The following GPM6A variants were observed in gnomAD, a reference collection of about 807,000 sequenced individuals.
The protein encoded by GPM6A is neuronal membrane glycoprotein M6-a.
In GPM6A, 7 loss-of-function variants were observed where a neutral mutation model predicts 32.1. The observed-to-expected ratio is 0.22, with a 90% confidence interval of 0.12 to 0.41. The LOEUF (loss-of-function observed/expected upper bound fraction) is 0.41. Ranked by LOEUF, GPM6A falls within the 10% of genes least tolerant of loss-of-function variation. The probability of loss-of-function intolerance (pLI) is 1.00; values close to 1 mark genes in which losing one functional copy is unlikely to be tolerated. For missense variants in GPM6A, 235 were observed against 347.2 expected, an observed-to-expected ratio of 0.68 and a Z score of 2.57; for synonymous variants, 130 against 123.4, an observed-to-expected ratio of 1.05 and a Z score of -0.35.
intron 1 of GPM6A, among the ~76,000 whole-genome samples, chr4:175,767,947 CT>C: frequency 6.6e-6 from 1 of 152,274 alleles, no homozygotes; most frequent in East Asian, 1.9e-4. Context: ...AGGTTGCCTG[CT>C]TGGGAGATTC....
intron 1 of GPM6A, among the ~76,000 whole-genome samples, chr4:175,956,381 T>C (rs550149975): frequency 1.3e-5 from 2 of 152,354 alleles, no homozygotes; most frequent in African/African-American, 4.8e-5. Flanking sequence ...CGTCACCTAA[T>C]TTTTCTACTT....
chr4:175,720,326 T>A (rs924869811), intron 1 of GPM6A, among the ~76,000 whole-genome samples: 3 of 152,162 alleles, frequency 2.0e-5, no homozygotes, highest in African/African-American at 7.2e-5. Flanking sequence ...ATGTTACTAA[T>A]CCCCAGAATT....
intron 1 of GPM6A, among the ~76,000 whole-genome samples, chr4:175,768,108 G>T (rs1277102634): frequency 6.6e-6 from 1 of 152,162 alleles, no homozygotes; most frequent in East Asian, 1.9e-4. Flanking sequence ...TGTTTATCTA[G>T]AAAGGGGAAG....
At chr4:175,924,839 C>CAAAAAA (rs1190915755) in intron 1 of GPM6A, among the ~76,000 whole-genome samples, 1 of 62,006 alleles carries the variant, frequency 1.6e-5, no homozygotes, top group African/African-American at 4.5e-5. Flanking sequence ...AAATCTGTCT[C>CAAAAAA]AAAAAAAAAA....
intron 1 of GPM6A, among the ~76,000 whole-genome samples, chr4:175,743,032 T>C (rs1033416370): frequency 5.3e-5 from 8 of 151,966 alleles, no homozygotes; most frequent in Non-Finnish European, 8.8e-5. Context: ...GTTAAAATAT[T>C]TTGCAAGAAC....
At chr4:175,910,122 A>G (rs534837776) in intron 1 of GPM6A, among the ~76,000 whole-genome samples, 1 of 152,218 alleles carries the variant, frequency 6.6e-6, no homozygotes, top group East Asian at 1.9e-4. Context: ...CAAGCTACAG[A>G]TGTGCTAATC....
intron 1 of GPM6A, among the ~76,000 whole-genome samples, chr4:175,964,671 A>G (rs1393394486): frequency 6.6e-6 from 1 of 152,130 alleles, no homozygotes; most frequent in African/African-American, 2.4e-5. Flanking sequence ...TTTTACCTTA[A>G]TTACATCCTT....
chr4:175,690,599 G>A (rs947537068), intron 2 of GPM6A, among the ~76,000 whole-genome samples: 1 of 152,110 alleles, frequency 6.6e-6, no homozygotes, highest in Non-Finnish European at 1.5e-5. Flanking sequence ...CTTGGCTAGT[G>A]GCCTCTTCTC....
At chr4:175,939,125 G>C (rs936402159) in intron 1 of GPM6A, among the ~76,000 whole-genome samples, 1 of 152,160 alleles carries the variant, frequency 6.6e-6, no homozygotes, top group Non-Finnish European at 1.5e-5. Flanking sequence ...TGCCAATTAA[G>C]GGTATCTGCA....
chr4:175,731,859 T>C (rs1731446980), intron 1 of GPM6A, among the ~76,000 whole-genome samples: 1 of 152,140 alleles, frequency 6.6e-6, no homozygotes, highest in Admixed American at 6.6e-5. Context: ...TCCTCATGCA[T>C]GACAGGGATG....
At chr4:175,932,535 T>A (rs1739086100) in intron 1 of GPM6A, among the ~76,000 whole-genome samples, 1 of 152,228 alleles carries the variant, frequency 6.6e-6, no homozygotes, top group African/African-American at 2.4e-5. Context: ...CTTTTATGGC[T>A]ATACAAACAA....
chr4:175,765,334 T>A (rs780802764), intron 1 of GPM6A, among the ~76,000 whole-genome samples: 14 of 152,206 alleles, frequency 9.2e-5, no homozygotes, highest in Admixed American at 6.5e-5. Context: ...CTTCTTGCCT[T>A]GACCATCTTA....
In GPM6A at chr4:175,701,688, A is replaced by G. The variant is rs1423168794; in HGVS notation, c.117T>C (p.Gly39=). Residue 39 remains glycine (G), a synonymous_variant, in exon 2 of 7, where the codon GGT becomes GGC. Transcript: ENST00000393658. Reference sequence around the variant, plus strand: ...GACCGCAGCCACAGAACAGGGCAACACCCGCATAGAGCAGGATGGTGGCAA... The same window carrying G: ...GACCGCAGCCACAGAACAGGGCAACGCCCGCATAGAGCAGGATGGTGGCAA... ...SLIATILLYA[G]VALFCGCGHE... is the part of the protein sequence containing the mutation. The G allele has an allele frequency of 1.2e-6, 2 of 1,613,846 alleles. No homozygotes were observed. The highest frequency in any genetic ancestry group is 1.3e-5 in the African/African-American group (1 of 74,936).
chr4:175,865,237 A>T lies in GPM6A; in HGVS notation c.-22-52988T>A, dbSNP rs181209788. Among the ~76,000 whole-genome samples, 738 of 152,332 alleles carry T rather than the reference A, an allele frequency of 4.8e-3. 2 individuals carry two copies. Among genetic ancestry groups the T allele is most frequent in the Non-Finnish European group, 5.9e-3 (404 of 68,034 alleles). On this transcript the variant is annotated intron_variant, in intron 1 of 7. Transcript: ENST00000280187. Reference sequence around the variant, plus strand: ...AATTACCTTGAAAACACTGTTGAAAATCAACTGGCTATATAGATGTGGTTC... The same window carrying T: ...AATTACCTTGAAAACACTGTTGAAATTCAACTGGCTATATAGATGTGGTTC...
At chr4:175,789,764 T>C (rs1045103758) in intron 1 of GPM6A, among the ~76,000 whole-genome samples, 5 of 152,202 alleles carry the variant, frequency 3.3e-5, no homozygotes, top group Non-Finnish European at 5.9e-5. Flanking sequence ...TAATGATTTG[T>C]CGTTTTACCA....
intron 1 of GPM6A, among the ~76,000 whole-genome samples, chr4:175,872,218 T>C (rs1736933314): frequency 6.6e-6 from 1 of 152,176 alleles, no homozygotes; most frequent in South Asian, 2.1e-4. Context: ...GGCTCATGCC[T>C]TTCAGTTCTA....
chr4:175,656,790 G>C (rs765586546), intron 3 of GPM6A, among the ~76,000 whole-genome samples: 1 of 152,074 alleles, frequency 6.6e-6, no homozygotes, highest in Non-Finnish European at 1.5e-5. Context: ...CACCAGTAGA[G>C]GTAAAAATAA....
chr4:175,694,116 G>GCAGAA (rs1744443366), intron 2 of GPM6A, among the ~76,000 whole-genome samples: 1 of 152,166 alleles, frequency 6.6e-6, no homozygotes, highest in Non-Finnish European at 1.5e-5. Context: ...TGTACAGCCT[G>GCAGAA]CAGAACTGTG....
chr4:175,914,364 C>T (rs1156397706), intron 1 of GPM6A, among the ~76,000 whole-genome samples: 3 of 152,196 alleles, frequency 2.0e-5, no homozygotes, highest in African/African-American at 4.8e-5. Context: ...CTCTATAGCC[C>T]AGGCTGGAGT....
Sources: allele counts gnomAD v4.1 joint callset (sites outside exome capture counted in the v4.1 genomes callset), GRCh38; gene constraint gnomAD v4.1.1; transcripts MANE v1.5; gene names NCBI Gene and HGNC (gene_info 2026-07-23, HGNC 2026-07-21).